WIPF3: variants seen among roughly 807,000 people sequenced by gnomAD.
WIPF3 encodes WAS/WASL interacting protein family member 3, also known as WAS/WASL-interacting protein family member 3.
WIPF3 carries 33 observed loss-of-function variants against 38.9 expected under a neutral mutation model. That is an observed-to-expected ratio of 0.85 (90% CI 0.64 to 1.14). The LOEUF (loss-of-function observed/expected upper bound fraction) is 1.14. WIPF3 is among the 50% of genes most tolerant of loss of function. The pLI, the probability that WIPF3 is intolerant of heterozygous loss-of-function variation, is 0.00. For missense variants in WIPF3, 711 were observed against 652.5 expected, an observed-to-expected ratio of 1.09 and a Z score of -0.98; for synonymous variants, 324 against 269.3, an observed-to-expected ratio of 1.20 and a Z score of -1.99.
chr7:29,913,301 C>T (rs561904642), intron 8 of WIPF3, among the ~76,000 whole-genome samples: 10 of 148,964 alleles, frequency 6.7e-5, no homozygotes, highest in South Asian at 2.1e-4. Flanking sequence ...GCTGAGATCA[C>T]GCCATTGCAC....
At chr7:29,914,097 G>C (rs1786557396) in intron 8 of WIPF3, among the ~76,000 whole-genome samples, 1 of 152,208 alleles carries the variant, frequency 6.6e-6, no homozygotes, top group Non-Finnish European at 1.5e-5. Context: ...TATGGCTAGA[G>C]TGGTCAGTGC....
intron 7 of WIPF3, among the ~76,000 whole-genome samples, chr7:29,900,829 G>A (rs1022381963): frequency 6.6e-6 from 1 of 152,224 alleles, no homozygotes; most frequent in African/African-American, 2.4e-5. Context: ...CTGCCCTGGG[G>A]TCCAGCACTC....
intron 2 of WIPF3, among the ~76,000 whole-genome samples, chr7:29,835,866 C>G (rs1262060879): frequency 2.6e-5 from 4 of 152,216 alleles, no homozygotes; most frequent in African/African-American, 9.6e-5. Flanking sequence ...ATCCTCCCCA[C>G]CGGATGCAAC....
At chr7:29,876,032 A>G (rs1583614341) in intron 3 of WIPF3, 70 bp downstream of exon 3, 1 of 1,567,994 alleles carries the variant, frequency 6.4e-7, no homozygotes, top group Middle Eastern at 2.3e-4. Flanking sequence ...ACAGCCAGAC[A>G]CCCCTGGCTG....
At chr7:29,882,849 T>C (rs1286957330) in intron 4 of WIPF3, among the ~76,000 whole-genome samples, 1 of 152,134 alleles carries the variant, frequency 6.6e-6, no homozygotes, top group Non-Finnish European at 1.5e-5. Flanking sequence ...AGAATTCTTA[T>C]AAAAAGAGCA....
chr7:29,885,351 G>A (rs1012924595), intron 5 of WIPF3, among the ~76,000 whole-genome samples: 2 of 152,066 alleles, frequency 1.3e-5, no homozygotes, highest in South Asian at 2.1e-4. Context: ...ATCCACACAG[G>A]CAGACACACT....
At chr7:29,839,691 T>G (rs540877618) in intron 2 of WIPF3, among the ~76,000 whole-genome samples, 3 of 152,360 alleles carry the variant, frequency 2.0e-5, no homozygotes, top group African/African-American at 7.2e-5. Flanking sequence ...AAACTGGTTT[T>G]TACATTTTCA....
At chr7:29,828,610 CAAT>C (rs1443326890) in intron 1 of WIPF3, among the ~76,000 whole-genome samples, 1 of 152,192 alleles carries the variant, frequency 6.6e-6, no homozygotes, top group Non-Finnish European at 1.5e-5. Flanking sequence ...GGGTTCTGGC[CAAT>C]ACTGGGCTCG....
intron 2 of WIPF3, among the ~76,000 whole-genome samples, chr7:29,854,595 G>A (rs1785158365): frequency 6.6e-6 from 1 of 152,202 alleles, no homozygotes; most frequent in Non-Finnish European, 1.5e-5. Flanking sequence ...CTCCCCTGCA[G>A]CAGAAGTGAC....
intron 1 of WIPF3, among the ~76,000 whole-genome samples, chr7:29,824,878 G>T (rs920343861): frequency 3.9e-5 from 6 of 152,166 alleles, no homozygotes; most frequent in Non-Finnish European, 1.5e-5. Flanking sequence ...GAGCCAGGGC[G>T]TCAGAATCTG....
At chr7:29,824,915 T>A (rs1784592970) in intron 1 of WIPF3, among the ~76,000 whole-genome samples, 1 of 152,110 alleles carries the variant, frequency 6.6e-6, no homozygotes, top group Admixed American at 6.6e-5. Flanking sequence ...AGGAATAAGG[T>A]TAAAGCACTT....
At chr7:29,908,465 T>C (rs889035335) in intron 8 of WIPF3, among the ~76,000 whole-genome samples, 8 of 151,928 alleles carry the variant, frequency 5.3e-5, no homozygotes, top group Non-Finnish European at 7.4e-5. Flanking sequence ...AGGAAAGAAA[T>C]AGAGAACACA....
intron 2 of WIPF3, among the ~76,000 whole-genome samples, chr7:29,870,824 G>C (rs1467398085): frequency 2.0e-5 from 3 of 152,108 alleles, no homozygotes; most frequent in Non-Finnish European, 4.4e-5. Context: ...GGGCGTGGTG[G>C]TGTGCACCTG....
intron 2 of WIPF3, among the ~76,000 whole-genome samples, chr7:29,842,032 C>G (rs544349269): frequency 1.3e-5 from 2 of 152,304 alleles, no homozygotes; most frequent in Non-Finnish European, 2.9e-5. Flanking sequence ...AGCAAAGAAG[C>G]CCCTCGGGGG....
chr7:29,879,658 A>G (rs537530233), intron 4 of WIPF3, among the ~76,000 whole-genome samples: 1 of 152,350 alleles, frequency 6.6e-6, no homozygotes, highest in African/African-American at 2.4e-5. Flanking sequence ...TCTTGCATCT[A>G]TAAAGAACTG....
At chr7:29,860,052 C>T (rs748757293) in intron 2 of WIPF3, among the ~76,000 whole-genome samples, 4 of 152,158 alleles carry the variant, frequency 2.6e-5, no homozygotes, top group African/African-American at 4.8e-5. Context: ...AAACATGGAC[C>T]GTGGTCAGAT....
intron 1 of WIPF3, among the ~76,000 whole-genome samples, chr7:29,813,015 C>T (rs557231465): frequency 2.4e-4 from 36 of 152,298 alleles, no homozygotes; most frequent in African/African-American, 8.4e-4. Context: ...CAAAATGTTT[C>T]GAATTAAAAT....
At chr7:29,849,207 C>T (rs1489776118) in intron 2 of WIPF3, among the ~76,000 whole-genome samples, 1 of 152,036 alleles carries the variant, frequency 6.6e-6, no homozygotes. Flanking sequence ...AGCTCTCCTG[C>T]CCTAATCGTT....
chr7:29,828,523 T>G (rs1437683732), intron 1 of WIPF3, among the ~76,000 whole-genome samples: 4 of 152,266 alleles, frequency 2.6e-5, no homozygotes, highest in Admixed American at 2.6e-4. Flanking sequence ...GCTTTTTAAA[T>G]TACATACCCA....
Sources: allele counts gnomAD v4.1 joint callset (sites outside exome capture counted in the v4.1 genomes callset), GRCh38; gene constraint gnomAD v4.1.1; transcripts MANE v1.5; gene names NCBI Gene and HGNC (gene_info 2026-07-23, HGNC 2026-07-21).